ACTN4: variants seen among roughly 807,000 people sequenced by gnomAD.
ACTN4 encodes the protein actinin alpha 4.
In ACTN4, 18 loss-of-function variants were observed where a neutral mutation model predicts 114.2. The ratio of observed to expected loss-of-function variants is 0.16; its 90% CI spans 0.11 to 0.23. The LOEUF is 0.23. ACTN4 is among the 10% of genes least tolerant of loss of function. The probability of loss-of-function intolerance (pLI) is 1.00; values close to 1 mark genes in which losing one functional copy is unlikely to be tolerated. For synonymous variants in ACTN4, 515 were observed against 506.3 expected (o/e 1.02, Z -0.23); for missense variants, 722 against 1,262.9 (o/e 0.57, Z 6.49).
intron 1 of ACTN4, among the ~76,000 whole-genome samples, chr19:38,691,598 C>G (rs1042673505): frequency 6.6e-6 from 1 of 151,552 alleles, no homozygotes; most frequent in Non-Finnish European, 1.5e-5. Flanking sequence ...GAGGAGGAGA[C>G]AGCACTCCAA....
intron 1 of ACTN4, among the ~76,000 whole-genome samples, chr19:38,676,619 G>A (rs1733201965): frequency 6.6e-6 from 1 of 152,224 alleles, no homozygotes; most frequent in African/African-American, 2.4e-5. Context: ...TCTGGGGCCG[G>A]ATGTGGAAGG....
At chr19:38,710,746 A>G in intron 8 of ACTN4, 1 of 337,814 alleles carries the variant, frequency 3.0e-6, no homozygotes, top group Non-Finnish European at 5.8e-6. Flanking sequence ...AGGTACTTGC[A>G]GCAGGAGCTG....
At chr19:38,655,792 T>A (rs1976695340) in intron 1 of ACTN4, among the ~76,000 whole-genome samples, 1 of 152,216 alleles carries the variant, frequency 6.6e-6, no homozygotes, top group Non-Finnish European at 1.5e-5. Flanking sequence ...CTCAAGTTCC[T>A]TATGTAAGAT....
Position 38,731,030 on chromosome 19 carries a change from A to G in ACTN4, c.*1598A>G. 6.4e-7 allele frequency: 1 copy of G among 1,555,344 alleles called. No individual in the cohort carries two copies. The highest frequency in any genetic ancestry group is 8.7e-7 in the Non-Finnish European group (1 of 1,149,998). On this transcript the variant is annotated 3_prime_UTR_variant, in exon 21 of 21. Coordinates refer to ENST00000252699, the MANE Select transcript of ACTN4 (RefSeq NM_004924.6). ...AGGTGCTGGCTGCAGTGGCCTGTGC[A>G]GAGAGGGGCAGGGTGAGTGCCCACC... is the stretch of plus-strand genomic sequence containing the variant.
intron 17 of ACTN4, among the ~76,000 whole-genome samples, chr19:38,726,281 C>G (rs1411760589): frequency 2.1e-5 from 3 of 140,286 alleles, no homozygotes; most frequent in Non-Finnish European, 4.6e-5. Context: ...GAGCCAGACT[C>G]TGTCTCAAAA....
In ACTN4 at chr19:38,675,025, G is replaced by A. The variant is rs186384079; in HGVS notation, c.163-25575G>A. The stretch of plus-strand genomic sequence containing the variant: ...GAAGCTGTCTAAACAGCCGTGTGGA[G>A]TTGGAGAGTTGAATTAGCTCTGTGG... On this transcript the variant is annotated intron_variant, in intron 1 of 20. Coordinates refer to ENST00000252699, the MANE Select transcript of ACTN4 (RefSeq NM_004924.6). Among the ~76,000 whole-genome samples, 935 of 152,340 alleles carry A rather than the reference G, an allele frequency of 6.1e-3. 5 individuals carry two copies. Among genetic ancestry groups the A allele is most frequent in the Non-Finnish European group, 7.0e-3 (473 of 68,034 alleles).
At chr19:38,696,468 T>C (rs1448036620) in intron 1 of ACTN4, among the ~76,000 whole-genome samples, 1 of 152,110 alleles carries the variant, frequency 6.6e-6, no homozygotes, top group African/African-American at 2.4e-5. Flanking sequence ...CAGCGTAGTC[T>C]AAACCGGGTA....
intron 1 of ACTN4, among the ~76,000 whole-genome samples, chr19:38,675,818 C>T (rs1967355843): frequency 6.6e-6 from 1 of 152,176 alleles, no homozygotes; most frequent in Non-Finnish European, 1.5e-5. Flanking sequence ...CCTGGGGCTC[C>T]TGCCATACCC....
At chr19:38,721,948 T>A in intron 12 of ACTN4, 1 of 565,166 alleles carries the variant, frequency 1.8e-6, no homozygotes, top group South Asian at 1.9e-5. Flanking sequence ...TTGTCTTGAT[T>A]CTTCAGGCTT....
chr19:38,729,545 G>GGGGTGGGT lies in ACTN4; in HGVS notation c.*121_*128dup, dbSNP rs771173130. ...TGCAAAGCACTCTCTGCAGTCCTCCGGGGTGGGTGGGTGGGCAGGGAGGGG... is the reference window on the plus strand; with the variant it reads ...TGCAAAGCACTCTCTGCAGTCCTCCGGGGTGGGTGGGTGGGTGGGTGGGCAGGGAGGGG... On this transcript the variant is annotated 3_prime_UTR_variant, in exon 21 of 21. Transcript: ENST00000252699. The GGGGTGGGT allele has an allele frequency of 4.5e-6, 2 of 446,132 alleles. No individual in the cohort carries two copies. The highest frequency in any genetic ancestry group is 7.6e-5 in the East Asian group (1 of 13,084). The allele number at this position is 446,132 out of a possible 1,614,324, so 27.6% of individuals were successfully genotyped here.
chr19:38,679,786 G>T (rs946620226), intron 1 of ACTN4, among the ~76,000 whole-genome samples: 1 of 151,982 alleles, frequency 6.6e-6, no homozygotes, highest in Non-Finnish European at 1.5e-5. Context: ...GTGAGCCACC[G>T]CACCCGGCCA....
In ACTN4 at chr19:38,673,784, A is replaced by T. The variant is rs1220239552; in HGVS notation, c.162+25877A>T. On this transcript the variant is annotated intron_variant, in intron 1 of 20. Transcript: ENST00000252699. Reference sequence around the variant, plus strand: ...ATATATATATATTTATATATGTATAATTTTTTTTTTTTTTTTTTTTGTGAT... The same window carrying T: ...ATATATATATATTTATATATGTATATTTTTTTTTTTTTTTTTTTTTGTGAT... Among the ~76,000 whole-genome samples, 107 of 67,764 alleles carry T rather than the reference A, an allele frequency of 1.6e-3. 1 individual carries two copies. The highest frequency in any genetic ancestry group is 0.013 in the South Asian group (33 of 2,494). 44.5% of individuals were successfully genotyped at this position (67,764 alleles called of 152,430 possible).
At chr19:38,676,096 C>A (rs1312856659) in intron 1 of ACTN4, among the ~76,000 whole-genome samples, 2 of 152,134 alleles carry the variant, frequency 1.3e-5, no homozygotes, top group African/African-American at 2.4e-5. Context: ...GGGTCTTGTT[C>A]TGTGGGATCT....
chr19:38,713,194 T>C (rs1968719170), intron 8 of ACTN4, among the ~76,000 whole-genome samples: 1 of 152,200 alleles, frequency 6.6e-6, no homozygotes, highest in South Asian at 2.1e-4. Context: ...CATTTATTTC[T>C]AGTCACCGAA....
At chr19:38,659,065 C>CTTTTTTTTTTTTTTTTTTTTTTTTTTT (rs577141157) in intron 1 of ACTN4, among the ~76,000 whole-genome samples, 4 of 111,690 alleles carry the variant, frequency 3.6e-5, no homozygotes, top group Admixed American at 1.0e-4. Flanking sequence ...CTTTTCTTTT[C>CTTTTTTTTTTTTTTTTTTTTTTTTTTT]TTTTTTTTTT....
At chr19:38,651,721 TG>T (rs1289028550) in intron 1 of ACTN4, among the ~76,000 whole-genome samples, 8 of 151,652 alleles carry the variant, frequency 5.3e-5, no homozygotes, top group Non-Finnish European at 8.8e-5. Flanking sequence ...TTTTTGTATT[TG>T]TTTTTTTTGT....
In ACTN4 at chr19:38,727,888, C is replaced by G; in HGVS notation, c.2338-58C>G. The G allele has an allele frequency of 6.4e-7, 1 of 1,553,028 alleles. No individual in the cohort carries two copies. The highest frequency in any genetic ancestry group is 2.3e-5 in the East Asian group (1 of 43,964). ...TGCCCTCTGCATGTGACCCCGATCC[C>G]TCATCCTGGTCTCCACGCCGCCCCT... On this transcript the variant is annotated intron_variant, in intron 18 of 20. Coordinates refer to ENST00000252699, the MANE Select transcript of ACTN4 (RefSeq NM_004924.6). This position sits in a 1 kb window ranked among gnomAD's most constrained non-coding sequence, Gnocchi z 5.4.
At chr19:38,685,417 CAG>C (rs1382144098) in intron 1 of ACTN4, among the ~76,000 whole-genome samples, 4 of 152,180 alleles carry the variant, frequency 2.6e-5, no homozygotes, top group African/African-American at 9.7e-5. Context: ...CAGATGGACT[CAG>C]GGATTCATTC....
Position 38,727,149 on chromosome 19 carries a change from CG to C in ACTN4, c.2337+47del. On this transcript the variant is annotated intron_variant, in intron 18 of 20. Transcript: ENST00000252699. This position sits in a 1 kb window ranked among gnomAD's most constrained non-coding sequence, Gnocchi z 5.4. ...TCGGCCTCTCCCCTCCCGCCGTTGCCGTACCAGCCCACACCTTCGTCTCTGC... is the reference window on the plus strand; with the variant it reads ...TCGGCCTCTCCCCTCCCGCCGTTGCCTACCAGCCCACACCTTCGTCTCTGC... 1 of 1,613,034 alleles carries C rather than the reference CG, an allele frequency of 6.2e-7. No homozygotes were observed.
Sources: allele counts gnomAD v4.1 joint callset (sites outside exome capture counted in the v4.1 genomes callset), GRCh38; gene constraint gnomAD v4.1.1; non-coding constraint Gnocchi (gnomAD v3.1); transcripts MANE v1.5; gene names NCBI Gene and HGNC (gene_info 2026-07-23, HGNC 2026-07-21).